The following ATRNL1 variants were observed in gnomAD, a reference collection of about 807,000 sequenced individuals.
ATRNL1 encodes the protein attractin like 1.
Under a neutral mutation model 182.7 loss-of-function variants are expected in ATRNL1, and 95 were observed. The observed-to-expected ratio is 0.52, with a 90% CI of 0.44 to 0.62. The LOEUF (loss-of-function observed/expected upper bound fraction) is 0.62, where lower values mean the gene tolerates loss of function less well. Among genes scored for constraint, ATRNL1 ranks in the 20% least tolerant of loss-of-function variants. The pLI, the probability that ATRNL1 is intolerant of heterozygous loss-of-function variation, is 0.00. For missense variants in ATRNL1, 1,471 were observed against 1,679.5 expected (o/e 0.88, Z 2.17); for synonymous variants, 576 against 568.3 (o/e 1.01, Z -0.19).
rs1287653019 is a variant in ATRNL1 at position 115,531,268 on chromosome 10, T to C, written c.3716+11944T>C. Reference sequence around the variant, plus strand: ...AACAGTGTAAAAGTGTTCCTATTTCTCCACATCCTCTCCAGCACCCGTTGT... The same window carrying C: ...AACAGTGTAAAAGTGTTCCTATTTCCCCACATCCTCTCCAGCACCCGTTGT... On this transcript the variant is annotated intron_variant, in intron 25 of 28. Coordinates refer to ENST00000355044, the MANE Select transcript of ATRNL1 (RefSeq NM_207303.4). 6.8e-3 allele frequency among the ~76,000 whole-genome samples: 1,031 copies of C among 152,172 alleles called. 5 individuals are homozygous for C. The highest frequency in any genetic ancestry group is 0.01 in the Non-Finnish European group (714 of 68,008).
At chr10:115,180,722 G>C (rs1164408216) in intron 8 of ATRNL1, among the ~76,000 whole-genome samples, 3 of 151,946 alleles carry the variant, frequency 2.0e-5, no homozygotes, top group African/African-American at 4.8e-5. Context: ...TATAGACCAA[G>C]GGTTTTATGT....
intron 21 of ATRNL1, among the ~76,000 whole-genome samples, chr10:115,460,277 A>C (rs569722636): frequency 6.6e-6 from 1 of 152,240 alleles, no homozygotes; most frequent in South Asian, 2.1e-4. Flanking sequence ...TTGACTTAAC[A>C]TCTGGCTATT....
chr10:115,197,620 G>T (rs527875526), intron 8 of ATRNL1, among the ~76,000 whole-genome samples: 1 of 152,040 alleles, frequency 6.6e-6, no homozygotes, highest in African/African-American at 2.4e-5. Context: ...ATATACAGTT[G>T]TCCCTCAGTA....
In ATRNL1 at chr10:115,286,407, C is replaced by T; in HGVS notation, c.2415+10C>T. On this transcript the variant is annotated intron_variant, in intron 15 of 28. Coordinates refer to ENST00000355044, the MANE Select transcript of ATRNL1 (RefSeq NM_207303.4). ...GAAGTATACACAACAGGTAACATTTCTACTTGTTTACATTATGGAAATATG... is the reference window on the plus strand; with the variant it reads ...GAAGTATACACAACAGGTAACATTTTTACTTGTTTACATTATGGAAATATG... 6.8e-7 allele frequency: 1 copy of T among 1,462,410 alleles called. No individual in the cohort carries two copies. Among genetic ancestry groups the T allele is most frequent in the Non-Finnish European group, 9.2e-7 (1 of 1,089,542 alleles). The allele number at this position is 1,462,410 out of a possible 1,614,324, so 90.6% of individuals were successfully genotyped here.
Position 115,661,783 on chromosome 10 carries a change from T to TTA in ATRNL1, c.3796-65465_3796-65464insTA, listed in dbSNP as rs1555037892. Among the ~76,000 whole-genome samples, 6 of 152,140 alleles carry TTA rather than the reference T, an allele frequency of 3.9e-5. No individual in the cohort carries two copies. In the South Asian group the frequency reaches 1.0e-3, roughly 26 times the overall value. The stretch of plus-strand genomic sequence containing the variant: ...GACTCAATTAAAATTGCATTTTTTT[T>TTA]ATTATACTTTAAGTTTTAGAGTACA... On this transcript the variant is annotated intron_variant, in intron 26 of 28. Coordinates refer to ENST00000355044, the MANE Select transcript of ATRNL1 (RefSeq NM_207303.4).
intron 19 of ATRNL1, among the ~76,000 whole-genome samples, chr10:115,369,845 C>G (rs1857295714): frequency 6.6e-6 from 1 of 152,100 alleles, no homozygotes; most frequent in South Asian, 2.1e-4. Flanking sequence ...AATATCTTTT[C>G]CTATATTTAT....
intron 17 of ATRNL1, among the ~76,000 whole-genome samples, chr10:115,311,830 G>A (rs1854047084): frequency 6.6e-6 from 1 of 151,552 alleles, no homozygotes; most frequent in South Asian, 2.1e-4. Context: ...TCTTCTTGTT[G>A]CATTGATACT....
At chr10:115,468,115 G>A (rs192361939) in intron 23 of ATRNL1, among the ~76,000 whole-genome samples, 16 of 150,624 alleles carry the variant, frequency 1.1e-4, no homozygotes, top group African/African-American at 3.4e-4. Context: ...GAAAATTCAG[G>A]CAAATAGGCA....
At chr10:115,295,885 C>A (rs186081175) in intron 15 of ATRNL1, among the ~76,000 whole-genome samples, 258 of 152,156 alleles carry the variant, frequency 1.7e-3, no homozygotes, top group African/African-American at 6.1e-3. Flanking sequence ...AACTGCAGTA[C>A]TGGAGAGATG....
At chr10:115,835,891 C>T (rs1362305083) in intron 27 of ATRNL1, among the ~76,000 whole-genome samples, 1 of 152,130 alleles carries the variant, frequency 6.6e-6, no homozygotes, top group Non-Finnish European at 1.5e-5. Flanking sequence ...CTCTAAAGAA[C>T]CACCCACTCA....
chr10:115,132,672 T>G (rs1845307773), intron 5 of ATRNL1, among the ~76,000 whole-genome samples: 1 of 152,138 alleles, frequency 6.6e-6, no homozygotes, highest in Non-Finnish European at 1.5e-5. Flanking sequence ...TGCATTTCTC[T>G]GATGGCCAGT....
chr10:115,258,028 G>A (rs1851231971), intron 10 of ATRNL1, among the ~76,000 whole-genome samples: 1 of 152,112 alleles, frequency 6.6e-6, no homozygotes, highest in Admixed American at 6.6e-5. Flanking sequence ...TTTCTCTCTG[G>A]CTGTCCTTAA....
At chr10:115,635,042 C>CAA (rs1378774383) in intron 26 of ATRNL1, among the ~76,000 whole-genome samples, 5 of 151,872 alleles carry the variant, frequency 3.3e-5, no homozygotes, top group Non-Finnish European at 5.9e-5. Context: ...AATGTGAAAA[C>CAA]AAAATATTTA....
chr10:115,271,279 A>C (rs1851851165), intron 13 of ATRNL1, among the ~76,000 whole-genome samples: 1 of 151,964 alleles, frequency 6.6e-6, no homozygotes, highest in South Asian at 2.1e-4. Flanking sequence ...TAATATTTAT[A>C]CATATATTCT....
chr10:115,410,622 C>T (rs553423460), intron 20 of ATRNL1, among the ~76,000 whole-genome samples: 1 of 152,102 alleles, frequency 6.6e-6, no homozygotes, highest in African/African-American at 2.4e-5. Flanking sequence ...CCTGGCCTCT[C>T]TCTCTCTGTT....
chr10:115,531,514 G>C (rs1469451313), intron 25 of ATRNL1, among the ~76,000 whole-genome samples: 1 of 151,728 alleles, frequency 6.6e-6, no homozygotes, highest in Admixed American at 6.6e-5. Context: ...GTTCATTGTA[G>C]ATTCTGGATA....
At chr10:115,805,718 T>C (rs1273946998) in intron 27 of ATRNL1, among the ~76,000 whole-genome samples, 5 of 152,060 alleles carry the variant, frequency 3.3e-5, no homozygotes, top group Non-Finnish European at 4.4e-5. Flanking sequence ...CAAGTACAGG[T>C]AGGCAGCCTG....
Position 115,659,153 on chromosome 10 carries a change from C to A in ATRNL1, c.3796-68095C>A, listed in dbSNP as rs191613549. ...CAGCCAAAACATATCACCATCTCTA[C>A]ACAACATTCTCCTCTGGCTTCTAAT... On this transcript the variant is annotated intron_variant, in intron 26 of 28. Transcript: ENST00000355044. Among the ~76,000 whole-genome samples the A allele has an allele frequency of 2.6e-3, 399 of 152,218 alleles. 5 individuals carry two copies. Among genetic ancestry groups the A allele is most frequent in the Non-Finnish European group, 1.3e-3 (89 of 68,012 alleles).
chr10:115,191,360 A>G (rs911777877), intron 8 of ATRNL1, among the ~76,000 whole-genome samples: 2 of 152,118 alleles, frequency 1.3e-5, no homozygotes, highest in Non-Finnish European at 2.9e-5. Context: ...TCCTTTCTCC[A>G]CATCCTCATC....
Sources: gnomAD v4.1 joint callset for allele counts (sites outside exome capture counted in the v4.1 genomes callset) on GRCh38, gnomAD v4.1.1 for gene constraint, MANE v1.5 for transcripts, NCBI Gene and HGNC (gene_info 2026-07-23, HGNC 2026-07-21) for gene names.